LRRC28: variants seen among roughly 807,000 people sequenced by gnomAD.
The protein encoded by LRRC28 is leucine-rich repeat-containing protein 28.
LRRC28 carries 39 observed loss-of-function variants against 45.7 expected under a neutral mutation model. That is an observed-to-expected ratio of 0.85 (90% confidence interval 0.66 to 1.12). The LOEUF is 1.12. Ranked by LOEUF, LRRC28 falls within the 50% of genes most tolerant of loss-of-function variation. The pLI is 0.00. For synonymous variants in LRRC28, 206 were observed against 178.8 expected (o/e 1.15, Z -1.22); for missense variants, 435 against 438.5 (o/e 0.99, Z 0.07).
At chr15:99,359,000 G>A (rs142830775) in intron 7 of LRRC28, among the ~76,000 whole-genome samples, 2,496 of 152,004 alleles carry the variant, frequency 0.016, 62 homozygotes, top group African/African-American at 0.056. Context: ...ACTTGAACCC[G>A]GGAGGCAGAG....
At chr15:99,268,970 A>G (rs2081403010) in intron 2 of LRRC28, among the ~76,000 whole-genome samples, 3 of 152,252 alleles carry the variant, frequency 2.0e-5, no homozygotes, top group Non-Finnish European at 2.9e-5. Flanking sequence ...GAGGCATTTC[A>G]GCAATTTTTA....
At chr15:99,365,737 T>C (rs1344706749) in intron 9 of LRRC28, among the ~76,000 whole-genome samples, 2 of 152,242 alleles carry the variant, frequency 1.3e-5, no homozygotes, top group Non-Finnish European at 2.9e-5. Flanking sequence ...AAGGAACATA[T>C]TGAATATTCT....
chr15:99,375,887 T>A (rs998683801), intron 9 of LRRC28, among the ~76,000 whole-genome samples: 6 of 152,210 alleles, frequency 3.9e-5, no homozygotes, highest in African/African-American at 1.2e-4. Context: ...TCAGTTTTAT[T>A]GTTATTCATA....
chr15:99,259,627 G>A (rs1208538135), intron 2 of LRRC28: 22 of 1,489,122 alleles, frequency 1.5e-5, no homozygotes, highest in Non-Finnish European at 2.1e-5. Flanking sequence ...AAACGGGCAA[G>A]GGCATCTCTA....
chr15:99,363,869 A>T (rs2152328060), intron 9 of LRRC28, among the ~76,000 whole-genome samples: 1 of 152,296 alleles, frequency 6.6e-6, no homozygotes, highest in East Asian at 1.9e-4. Context: ...AAAATTCCCC[A>T]CTTGCACAAC....
chr15:99,349,809 CT>C (rs1956812957), intron 6 of LRRC28, among the ~76,000 whole-genome samples: 1 of 152,172 alleles, frequency 6.6e-6, no homozygotes, highest in South Asian at 2.1e-4. Context: ...ATAAATGCCC[CT>C]CAGACATAGT....
rs781449179 is a variant in LRRC28, at chr15:99,287,958, A to G, written c.385+7A>G. On this transcript the variant is annotated splice_region_variant and intron_variant, in intron 5 of 9. Coordinates refer to ENST00000301981, the MANE Select transcript of LRRC28 (RefSeq NM_144598.5). ...CTGCAATTCCTACCTCCAGGTAATCATAGTCTCTAGCACACTATAGTTTCT... is the reference window on the plus strand; with the variant it reads ...CTGCAATTCCTACCTCCAGGTAATCGTAGTCTCTAGCACACTATAGTTTCT... 9.9e-6 allele frequency: 16 copies of G among 1,612,978 alleles called. No individual in the cohort carries two copies. The East Asian group carries it at 2.5e-4, about 25-fold the overall frequency.
At chr15:99,278,300 G>A (rs1230008432) in intron 3 of LRRC28, among the ~76,000 whole-genome samples, 1 of 152,190 alleles carries the variant, frequency 6.6e-6, no homozygotes, top group African/African-American at 2.4e-5. Context: ...CCAGGCTGGA[G>A]TGCAGTGGCA....
chr15:99,351,397 C>T (rs1956874051), intron 6 of LRRC28, among the ~76,000 whole-genome samples: 1 of 152,174 alleles, frequency 6.6e-6, no homozygotes, highest in African/African-American at 2.4e-5. Context: ...TGGGAAATAC[C>T]TGAATTCTGC....
intron 7 of LRRC28, 84 bp downstream of exon 7, chr15:99,352,555 A>G (rs1015006424): frequency 1.8e-6 from 2 of 1,093,766 alleles, no homozygotes; most frequent in African/African-American, 1.6e-5. Flanking sequence ...GCCCTTGATG[A>G]TATGCTAAAC....
chr15:99,385,635 C>T (rs190873467), intron 9 of LRRC28, among the ~76,000 whole-genome samples: 43 of 152,218 alleles, frequency 2.8e-4, no homozygotes, highest in Admixed American at 3.3e-4. Context: ...TGTGTTCTGG[C>T]TAAATTGGAG....
chr15:99,338,642 A>G (rs1956405927), intron 6 of LRRC28, among the ~76,000 whole-genome samples: 1 of 152,208 alleles, frequency 6.6e-6, no homozygotes, highest in African/African-American at 2.4e-5. Context: ...GAGCCACTTA[A>G]TGAATTCAAT....
intron 3 of LRRC28, among the ~76,000 whole-genome samples, chr15:99,286,531 A>G (rs2081965080): frequency 6.6e-6 from 1 of 152,196 alleles, no homozygotes; most frequent in Non-Finnish European, 1.5e-5. Flanking sequence ...ATTTTCTTAA[A>G]TTATTGTTGT....
intron 2 of LRRC28, among the ~76,000 whole-genome samples, chr15:99,266,808 C>T (rs773308199): frequency 6.6e-5 from 10 of 152,170 alleles, no homozygotes; most frequent in East Asian, 1.9e-4. Context: ...AACAGTTTTA[C>T]GCAAATGACA....
chr15:99,307,886 A>G (rs934873188), intron 5 of LRRC28, among the ~76,000 whole-genome samples: 1 of 152,230 alleles, frequency 6.6e-6, no homozygotes, highest in African/African-American at 2.4e-5. Flanking sequence ...TGTGAGGGGA[A>G]GTCACTGGTG....
intron 7 of LRRC28, among the ~76,000 whole-genome samples, chr15:99,359,401 T>C (rs557495543): frequency 7.9e-5 from 12 of 152,250 alleles, no homozygotes; most frequent in East Asian, 3.8e-4. Flanking sequence ...GTGGACAGTT[T>C]ACAGAAGAAG....
At chr15:99,383,051 C>T (rs1189291056) in intron 9 of LRRC28, among the ~76,000 whole-genome samples, 2 of 152,186 alleles carry the variant, frequency 1.3e-5, no homozygotes, top group African/African-American at 2.4e-5. Context: ...GCGCAACCCT[C>T]ACCCTAATCC....
intron 6 of LRRC28, among the ~76,000 whole-genome samples, chr15:99,344,397 C>T (rs1325745335): frequency 6.6e-6 from 1 of 152,022 alleles, no homozygotes; most frequent in Non-Finnish European, 1.5e-5. Flanking sequence ...ACTCCCCACT[C>T]TATATCAGAT....
At chr15:99,274,849 T>A (rs893643164) in intron 2 of LRRC28, among the ~76,000 whole-genome samples, 2 of 152,202 alleles carry the variant, frequency 1.3e-5, no homozygotes, top group African/African-American at 4.8e-5. Context: ...TTCTTGTGCT[T>A]AGAAAGCTAT....
Sources: gnomAD v4.1 joint callset for allele counts (sites outside exome capture counted in the v4.1 genomes callset) on GRCh38, gnomAD v4.1.1 for gene constraint, MANE v1.5 for transcripts, NCBI Gene and HGNC (gene_info 2026-07-23, HGNC 2026-07-21) for gene names.